CCDC63: variants seen among roughly 807,000 people sequenced by gnomAD.
The protein encoded by CCDC63 is coiled-coil domain containing 63.
In CCDC63, 54 loss-of-function variants were observed where a neutral mutation model predicts 63.6. That is an observed-to-expected ratio of 0.85 (90% CI 0.68 to 1.07). The LOEUF is 1.07. Among genes scored for constraint, CCDC63 ranks in the 50% least tolerant of loss-of-function variants. The pLI is 0.00. For synonymous variants in CCDC63, 253 were observed against 266.1 expected (o/e 0.95, Z 0.48); for missense variants, 637 against 689.6 (o/e 0.92, Z 0.86).
intron 4 of CCDC63, among the ~76,000 whole-genome samples, chr12:110,867,130 C>A (rs2070966937): frequency 1.4e-5 from 2 of 138,314 alleles, no homozygotes; most frequent in Admixed American, 1.4e-4. Context: ...GGGGGCTGAC[C>A]CCCCCCACCT....
intron 5 of CCDC63, among the ~76,000 whole-genome samples, chr12:110,876,832 G>C (rs567768911): frequency 2.7e-5 from 4 of 148,556 alleles, no homozygotes; most frequent in African/African-American, 1.0e-4. Flanking sequence ...CCAGGAGTTT[G>C]AGACCAGCCT....
intron 11 of CCDC63, among the ~76,000 whole-genome samples, chr12:110,906,353 C>T (rs1410299346): frequency 1.5e-5 from 2 of 136,644 alleles, no homozygotes; most frequent in African/African-American, 5.5e-5. Flanking sequence ...GAGGGAGGGG[C>T]GATGAGAGAA....
At position 110,884,204 on chromosome 12, in the gene CCDC63, TCAA is replaced by T. The variant is rs765466191; in HGVS notation, c.1033_1035del (p.Asn345del). On this transcript the variant is annotated inframe_deletion, in exon 8 of 12. Transcript: ENST00000308208. The stretch of plus-strand genomic sequence containing the variant: ...GCTCGGTTCACGTATGTCACGGAGC[TCAA>T]CAACGACATGGAGATGATGCACAAG... 200 of 1,613,882 alleles carry T rather than the reference TCAA, an allele frequency of 1.2e-4. No individual in the cohort carries two copies. The highest frequency in any genetic ancestry group is 1.7e-4 in the Non-Finnish European group (196 of 1,180,004).
At chr12:110,899,603 A>C (rs1283980095) in intron 10 of CCDC63, among the ~76,000 whole-genome samples, 1 of 151,748 alleles carries the variant, frequency 6.6e-6, no homozygotes, top group Non-Finnish European at 1.5e-5. Context: ...TACAGGTATG[A>C]GCCACTGCAC....
chr12:110,853,809 G>C (rs1211166772), intron 3 of CCDC63, among the ~76,000 whole-genome samples: 1 of 152,188 alleles, frequency 6.6e-6, no homozygotes, highest in Non-Finnish European at 1.5e-5. Flanking sequence ...GGGGACCCCT[G>C]GTGGGCAGGG....
intron 8 of CCDC63, among the ~76,000 whole-genome samples, chr12:110,890,426 C>T (rs994439863): frequency 1.3e-5 from 2 of 152,076 alleles, no homozygotes; most frequent in African/African-American, 4.8e-5. Flanking sequence ...GGGATTCTTC[C>T]TGATTTGGGT....
intron 5 of CCDC63, among the ~76,000 whole-genome samples, chr12:110,878,658 G>T (rs1279077445): frequency 6.6e-6 from 1 of 152,142 alleles, no homozygotes; most frequent in Non-Finnish European, 1.5e-5. Context: ...TACTTAGGTT[G>T]TTTCCAAATC....
intron 4 of CCDC63, among the ~76,000 whole-genome samples, chr12:110,868,064 C>T (rs1391821420): frequency 6.9e-4 from 102 of 148,318 alleles, no homozygotes; most frequent in African/African-American, 1.2e-3. Context: ...GGGTCTCGGC[C>T]GGGCAGAGGT....
At chr12:110,881,893 G>T (rs1165510036) in intron 7 of CCDC63, among the ~76,000 whole-genome samples, 1 of 152,058 alleles carries the variant, frequency 6.6e-6, no homozygotes, top group African/African-American at 2.4e-5. Context: ...ATTTAACTGA[G>T]AACCCTCTAT....
At chr12:110,902,966 T>C (rs1393779395) in intron 10 of CCDC63, among the ~76,000 whole-genome samples, 1 of 151,600 alleles carries the variant, frequency 6.6e-6, no homozygotes, top group Non-Finnish European at 1.5e-5. Context: ...CACTGCAGCC[T>C]CTGCCTCCCA....
rs753001036 is a variant in CCDC63, at chr12:110,899,104, A to G, written c.1321A>G (p.Ile441Val). 5.2e-5 allele frequency: 84 copies of G among 1,612,654 alleles called. No individual in the cohort carries two copies. Among genetic ancestry groups the G allele is most frequent in the Non-Finnish European group, 6.9e-5 (81 of 1,179,470 alleles). ...QLGETGKVTDINLPQYFAIIE... is the reference protein window; with the variant it reads ...QLGETGKVTDVNLPQYFAIIE... ...AGGGGAGACGGGGAAAGTCACTGAC[A>G]TCAACCTTCCGCAGTATTTTGGTGA... The change falls in exon 10 of 12, where the codon ATC becomes GTC. Residue 441 changes from isoleucine to valine, a missense_variant. Ile to Val is a conservative substitution (Grantham distance 29). Coordinates refer to ENST00000308208, the MANE Select transcript of CCDC63 (RefSeq NM_152591.3).
rs1248686748 is a variant in CCDC63 at position 110,853,387 on chromosome 12, C to G, written c.10-18C>G. 6.2e-7 allele frequency: 1 copy of G among 1,603,828 alleles called. No homozygotes were observed. The highest frequency in any genetic ancestry group is 1.3e-5 in the African/African-American group (1 of 74,170). On this transcript the variant is annotated intron_variant, in intron 2 of 11. Coordinates refer to ENST00000308208, the MANE Select transcript of CCDC63 (RefSeq NM_152591.3). Reference sequence around the variant, plus strand: ...ACCTGGCCCACTACGGCCTCCCACTCCTCTCCATCTCCCCCAGTTGAAGAA... The same window carrying G: ...ACCTGGCCCACTACGGCCTCCCACTGCTCTCCATCTCCCCCAGTTGAAGAA...
At chr12:110,903,279 A>G (rs1292576033) in intron 10 of CCDC63, among the ~76,000 whole-genome samples, 2 of 152,224 alleles carry the variant, frequency 1.3e-5, no homozygotes, top group Non-Finnish European at 2.9e-5. Context: ...CTGGGATTAC[A>G]GGCAGGAGCC....
intron 4 of CCDC63, among the ~76,000 whole-genome samples, chr12:110,861,188 C>T (rs79115860): frequency 0.015 from 2,281 of 152,262 alleles, 67 homozygotes; most frequent in African/African-American, 0.051. Context: ...ATTGTCTCCC[C>T]CAGGTCCCTC....
intron 10 of CCDC63, among the ~76,000 whole-genome samples, chr12:110,902,876 C>T (rs183474792): frequency 6.9e-6 from 1 of 144,074 alleles, no homozygotes; most frequent in Non-Finnish European, 1.5e-5. Context: ...CGACACCACG[C>T]CCGGCTAATT....
chr12:110,846,709 T>A (rs1193124928), upstream of CCDC63: 1 of 152,310 alleles, frequency 6.6e-6, no homozygotes, highest in Non-Finnish European at 1.5e-5. Context: ...GACCAGCGAT[T>A]GCATGGCGTT....
intron 4 of CCDC63, among the ~76,000 whole-genome samples, chr12:110,870,470 T>A (rs765379989): frequency 6.6e-6 from 1 of 152,224 alleles, no homozygotes; most frequent in South Asian, 2.1e-4. Context: ...TTTAGGTTAT[T>A]TACGTTTCAC....
At chr12:110,894,542 C>T (rs2071394430) in intron 9 of CCDC63, among the ~76,000 whole-genome samples, 1 of 152,168 alleles carries the variant, frequency 6.6e-6, no homozygotes, top group Non-Finnish European at 1.5e-5. Context: ...TTATTCTCCT[C>T]TAGGCCACTG....
At chr12:110,868,114 T>A (rs1237604162) in intron 4 of CCDC63, among the ~76,000 whole-genome samples, 1 of 144,130 alleles carries the variant, frequency 6.9e-6, no homozygotes, top group Admixed American at 6.9e-5. Flanking sequence ...GCAGAGGCGC[T>A]CCCCACATTT....
Sources: gnomAD v4.1 joint callset for allele counts (sites outside exome capture counted in the v4.1 genomes callset) on GRCh38, gnomAD v4.1.1 for gene constraint, MANE v1.5 for transcripts, NCBI Gene and HGNC (gene_info 2026-07-23, HGNC 2026-07-21) for gene names.